The following SCFD2 variants were observed in gnomAD, a reference collection of about 807,000 sequenced individuals.
The protein encoded by SCFD2 is sec1 family domain-containing protein 2.
SCFD2 carries 54 observed loss-of-function variants against 58.9 expected under a neutral mutation model. The observed-to-expected ratio is 0.92, with a 90% CI of 0.74 to 1.15. The LOEUF (loss-of-function observed/expected upper bound fraction) is 1.15, where lower values mean the gene tolerates loss of function less well. Ranked by LOEUF, SCFD2 falls within the 50% of genes most tolerant of loss-of-function variation. The pLI is 0.00. For missense variants in SCFD2, 805 were observed against 836.6 expected (o/e 0.96, Z 0.47); for synonymous variants, 321 against 335.9 (o/e 0.96, Z 0.49).
intron 7 of SCFD2, among the ~76,000 whole-genome samples, chr4:52,892,868 C>A (rs189184601): frequency 6.6e-6 from 1 of 152,324 alleles, no homozygotes; most frequent in East Asian, 1.9e-4. Context: ...CATCACTGCA[C>A]ACTGTCAGAT....
intron 4 of SCFD2, among the ~76,000 whole-genome samples, chr4:53,188,891 C>T (rs527283586): frequency 6.6e-6 from 1 of 152,198 alleles, no homozygotes; most frequent in East Asian, 1.9e-4. Flanking sequence ...CATCCATTGC[C>T]CCTTCTCTGA....
intron 5 of SCFD2, among the ~76,000 whole-genome samples, chr4:53,030,978 A>G (rs1315325831): frequency 6.6e-6 from 1 of 152,236 alleles, no homozygotes; most frequent in Non-Finnish European, 1.5e-5. Flanking sequence ...GACACACATA[A>G]CAAATGCATT....
At chr4:53,180,826 CA>C (rs1727525854) in intron 4 of SCFD2, among the ~76,000 whole-genome samples, 1 of 152,058 alleles carries the variant, frequency 6.6e-6, no homozygotes, top group African/African-American at 2.4e-5. Flanking sequence ...GGGATATCAC[CA>C]CCAATCCCAC....
chr4:53,158,325 T>C (rs1474213505), intron 4 of SCFD2, among the ~76,000 whole-genome samples: 1 of 152,238 alleles, frequency 6.6e-6, no homozygotes, highest in Non-Finnish European at 1.5e-5. Flanking sequence ...TTCTCTCCTT[T>C]GCTCCAAACC....
chr4:53,021,661 G>A (rs1234683576), intron 5 of SCFD2, among the ~76,000 whole-genome samples: 1 of 152,030 alleles, frequency 6.6e-6, no homozygotes, highest in Non-Finnish European at 1.5e-5. Context: ...CTTAGAGAAG[G>A]TGACATTCGA....
At position 52,920,775 on chromosome 4, in the gene SCFD2, G is replaced by T. The variant is rs750968296; in HGVS notation, c.1657C>A (p.Leu553Ile). 20 of 1,610,898 alleles carry T rather than the reference G, an allele frequency of 1.2e-5. No homozygotes were observed. The highest frequency in any genetic ancestry group is 1.7e-5 in the Non-Finnish European group (20 of 1,177,954). Residue 553 changes from leucine (L) to isoleucine (I), a missense_variant, in exon 6 of 9, where the codon CTC (leucine) becomes ATC (isoleucine). Physicochemically the swap from Leu to Ile is conservative, Grantham distance 5. This residue lies in a region of SCFD2 where 633 missense variants were observed against 646.8 expected (regional missense o/e 0.98). Coordinates refer to ENST00000401642, the MANE Select transcript of SCFD2 (RefSeq NM_152540.4). ...SLRDIAGARSLLKQFKSVYVP... is the reference protein window; with the variant it reads ...SLRDIAGARSILKQFKSVYVP... The stretch of plus-strand genomic sequence containing the variant: ...TATACAGACTTAAACTGTTTCAGGA[G>T]ACTCCGAGCTCCAGCAATATCCCGA...
intron 5 of SCFD2, among the ~76,000 whole-genome samples, chr4:53,120,971 G>A (rs1725461461): frequency 1.3e-5 from 2 of 152,198 alleles, no homozygotes; most frequent in African/African-American, 4.8e-5. Flanking sequence ...ACACACTCAG[G>A]AGTTCTATTC....
In SCFD2 at chr4:53,273,979, G is replaced by C; in HGVS notation, c.1158C>G (p.Leu386=). ...TCTTGAAGAGCTGAATATAGGACATGAGCTGTCCCGGTGTGACTCTCCCTG... is the reference window on the plus strand; with the variant it reads ...TCTTGAAGAGCTGAATATAGGACATCAGCTGTCCCGGTGTGACTCTCCCTG... The part of the protein sequence containing the change: ...MSMGRVTPGQ[L]MSYIQLFKNN... The change falls in exon 4 of 9, where the codon CTC becomes CTG. Residue 386 remains leucine (L), a synonymous_variant. Transcript: ENST00000401642. 1 of 1,612,052 alleles carries C rather than the reference G, an allele frequency of 6.2e-7. No homozygotes were observed. The highest frequency in any genetic ancestry group is 8.5e-7 in the Non-Finnish European group (1 of 1,179,086).
chr4:52,947,722 T>C (rs1477117469), intron 5 of SCFD2, among the ~76,000 whole-genome samples: 2 of 150,458 alleles, frequency 1.3e-5, no homozygotes, highest in Non-Finnish European at 3.0e-5. Context: ...AAAAACGATA[T>C]AAAATTTCAT....
intron 5 of SCFD2, among the ~76,000 whole-genome samples, chr4:53,128,076 A>T (rs550859017): frequency 2.0e-5 from 3 of 151,160 alleles, no homozygotes; most frequent in African/African-American, 7.3e-5. Context: ...AAAAGCCAAT[A>T]AAAAATCTAA....
intron 4 of SCFD2, among the ~76,000 whole-genome samples, chr4:53,261,775 G>T (rs1730835957): frequency 1.3e-5 from 2 of 152,116 alleles, no homozygotes; most frequent in Non-Finnish European, 2.9e-5. Context: ...TTGTTTCTTT[G>T]TTGGCTTTCT....
chr4:53,081,832 C>T (rs1724156958), intron 5 of SCFD2, among the ~76,000 whole-genome samples: 1 of 152,128 alleles, frequency 6.6e-6, no homozygotes. Context: ...TCCCCATGTC[C>T]CTCTCTTCTC....
chr4:53,184,431 G>A (rs778867158), intron 4 of SCFD2, among the ~76,000 whole-genome samples: 1 of 152,044 alleles, frequency 6.6e-6, no homozygotes, highest in South Asian at 2.1e-4. Flanking sequence ...CAGCTATTTC[G>A]GACCACAAAA....
chr4:53,228,573 C>T (rs949229258), intron 4 of SCFD2, among the ~76,000 whole-genome samples: 1 of 152,146 alleles, frequency 6.6e-6, no homozygotes, highest in African/African-American at 2.4e-5. Flanking sequence ...TTCAACAACA[C>T]TTCATGCTAA....
chr4:53,362,384 A>G (rs1419062960), intron 1 of SCFD2, among the ~76,000 whole-genome samples: 1 of 152,220 alleles, frequency 6.6e-6, no homozygotes, highest in Non-Finnish European at 1.5e-5. Context: ...CCACTTGAAT[A>G]CTGAGCAAGT....
intron 3 of SCFD2, among the ~76,000 whole-genome samples, chr4:53,274,931 G>C (rs937207220): frequency 1.1e-4 from 16 of 152,208 alleles, no homozygotes; most frequent in African/African-American, 3.4e-4. Flanking sequence ...ATGTTTGTGG[G>C]TTGTTCTTTG....
At chr4:53,214,476 A>C (rs375263593) in intron 4 of SCFD2, among the ~76,000 whole-genome samples, 3 of 151,974 alleles carry the variant, frequency 2.0e-5, no homozygotes, top group Non-Finnish European at 2.9e-5. Flanking sequence ...GTCTGTTCAT[A>C]TCCTTGGCCC....
chr4:53,228,975 A>G (rs1729326824), intron 4 of SCFD2, among the ~76,000 whole-genome samples: 1 of 152,166 alleles, frequency 6.6e-6, no homozygotes, highest in Non-Finnish European at 1.5e-5. Flanking sequence ...ATACACCAAT[A>G]ACAGACAAAC....
In SCFD2 at chr4:52,959,897, A is replaced by AACACACACACACACACACACACACACAC. The variant is rs10529140; in HGVS notation, c.1562-39055_1562-39028dup. On this transcript the variant is annotated intron_variant, in intron 5 of 8. Transcript: ENST00000401642. ...GAGGAAGAGAGAGACTCCAAATTGAAACACACACACACACACACACACACA... is the reference window on the plus strand; with the variant it reads ...GAGGAAGAGAGAGACTCCAAATTGAAACACACACACACACACACACACACACACACACACACACACACACACACACACA... Among the ~76,000 whole-genome samples the AACACACACACACACACACACACACACAC allele has an allele frequency of 1.8e-3, 253 of 138,176 alleles. 4 individuals carry two copies. The highest frequency in any genetic ancestry group is 5.3e-3 in the East Asian group (25 of 4,704). The allele number at this position is 138,176 out of a possible 152,430, so 90.6% of individuals were successfully genotyped here. A position where few individuals can be genotyped will look rare whatever the true frequency, so the allele number is the denominator to read the frequency against.
Sources: gnomAD v4.1 joint callset for allele counts (sites outside exome capture counted in the v4.1 genomes callset) on GRCh38, gnomAD v4.1.1 for gene constraint, gnomAD v4.1.1 regional missense constraint, MANE v1.5 for transcripts, NCBI Gene and HGNC (gene_info 2026-07-23, HGNC 2026-07-21) for gene names.